ANKRD29: variants seen among roughly 807,000 people sequenced by gnomAD.
ANKRD29 encodes ankyrin repeat domain 29.
Under a neutral mutation model 38.0 loss-of-function variants are expected in ANKRD29, and 32 were observed. The observed-to-expected ratio is 0.84, with a 90% CI of 0.64 to 1.13. The LOEUF is 1.13. ANKRD29 is among the 50% of genes most tolerant of loss of function. The pLI is 0.00. For missense variants in ANKRD29, 357 were observed against 377.9 expected (o/e 0.94, Z 0.46); for synonymous variants, 135 against 152.4 (o/e 0.89, Z 0.84).
At chr18:23,625,832 A>G (rs563513583) in intron 6 of ANKRD29, among the ~76,000 whole-genome samples, 1 of 152,218 alleles carries the variant, frequency 6.6e-6, no homozygotes, top group South Asian at 2.1e-4. Context: ...CACCCAAAAA[A>G]TCTGGGTCTG....
chr18:23,652,093 A>G (rs7241414), intron 1 of ANKRD29, among the ~76,000 whole-genome samples: 3,542 of 152,254 alleles, frequency 0.023, 150 homozygotes, highest in African/African-American at 0.079. Context: ...GTGGGTTTCA[A>G]GTGCCTATGG....
At chr18:23,636,136 TTGTA>T (rs373976176) in intron 4 of ANKRD29, among the ~76,000 whole-genome samples, 2 of 152,088 alleles carry the variant, frequency 1.3e-5, no homozygotes, top group African/African-American at 4.8e-5. Flanking sequence ...GCTGTTATTT[TTGTA>T]TGTATGTATG....
intron 1 of ANKRD29, among the ~76,000 whole-genome samples, chr18:23,659,971 C>T (rs977870598): frequency 4.0e-5 from 6 of 151,480 alleles, no homozygotes; most frequent in Non-Finnish European, 7.4e-5. Context: ...ATTAGCCGGG[C>T]GTGGTGGCAC....
chr18:23,613,155 C>T (rs529256997), intron 8 of ANKRD29, among the ~76,000 whole-genome samples: 13 of 150,102 alleles, frequency 8.7e-5, no homozygotes, highest in Non-Finnish European at 1.3e-4. Context: ...ACATGCAACA[C>T]GGGTCAGAAT....
intron 1 of ANKRD29, among the ~76,000 whole-genome samples, chr18:23,657,814 G>A (rs531840496): frequency 6.6e-6 from 1 of 152,180 alleles, no homozygotes; most frequent in South Asian, 2.1e-4. Context: ...CCATGTTATG[G>A]ACTAAATGCT....
intron 3 of ANKRD29, among the ~76,000 whole-genome samples, chr18:23,639,473 G>C (rs951481812): frequency 3.3e-5 from 5 of 151,482 alleles, no homozygotes; most frequent in African/African-American, 9.7e-5. Context: ...ATAACATTAT[G>C]CTAAGTGAAA....
At chr18:23,654,618 C>CAAAAAAAAAAAA (rs1167970950) in intron 1 of ANKRD29, among the ~76,000 whole-genome samples, 1 of 50,382 alleles carries the variant, frequency 2.0e-5, no homozygotes, top group South Asian at 6.9e-4. Flanking sequence ...GACTCTGTCT[C>CAAAAAAAAAAAA]AAAAAAAAAA....
chr18:23,613,340 T>G (rs1443608429), intron 8 of ANKRD29, among the ~76,000 whole-genome samples: 2 of 151,830 alleles, frequency 1.3e-5, no homozygotes, highest in Non-Finnish European at 2.9e-5. Flanking sequence ...CTCTGCTAAT[T>G]TTTGTATTTT....
At position 23,608,702 on chromosome 18, in the gene ANKRD29, T is replaced by G. The variant is rs549513844; in HGVS notation, c.822+3390A>C. Among the ~76,000 whole-genome samples, 47 of 152,332 alleles carry G rather than the reference T, an allele frequency of 3.1e-4. 1 individual carries two copies. The highest frequency in any genetic ancestry group is 5.7e-4 in the Non-Finnish European group (39 of 68,038). On this transcript the variant is annotated intron_variant, in intron 9 of 9. Coordinates refer to ENST00000592179, the MANE Select transcript of ANKRD29 (RefSeq NM_173505.4). ...GTTCATTGCTGGGCATAGGTCAGAC[T>G]AACTTTGGGAAGGAATTCAGCTCAT...
rs1376680015 is a variant in ANKRD29 at position 23,600,974 on chromosome 18, A to C, written c.*252T>G. ...ATGAGTTTCTGTGGAATCTGTGAAC[A>C]TGCCAGGCCCCCCGGGAGATGAGTT... On this transcript the variant is annotated 3_prime_UTR_variant, in exon 10 of 10. Coordinates refer to ENST00000592179, the MANE Select transcript of ANKRD29 (RefSeq NM_173505.4). 1 of 332,734 alleles carries C rather than the reference A, an allele frequency of 3.0e-6. No individual in the cohort carries two copies. Among genetic ancestry groups the C allele is most frequent in the African/African-American group, 2.1e-5 (1 of 47,664 alleles). The allele number at this position is 332,734 out of a possible 1,614,324, so 20.6% of individuals were successfully genotyped here. A position where few individuals can be genotyped will look rare whatever the true frequency, so the allele number is the denominator to read the frequency against.
chr18:23,654,717 C>T (rs1236541421), intron 1 of ANKRD29, among the ~76,000 whole-genome samples: 1 of 151,814 alleles, frequency 6.6e-6, no homozygotes, highest in Non-Finnish European at 1.5e-5. Context: ...TGCAAGCTTC[C>T]ACATTTGTCA....
chr18:23,626,989 A>C (rs2059869881), intron 6 of ANKRD29, among the ~76,000 whole-genome samples: 1 of 152,250 alleles, frequency 6.6e-6, no homozygotes, highest in Admixed American at 6.5e-5. Flanking sequence ...TCAATGTGTC[A>C]GCTGAGATTT....
At chr18:23,655,601 C>T (rs1483558944) in intron 1 of ANKRD29, among the ~76,000 whole-genome samples, 4 of 151,772 alleles carry the variant, frequency 2.6e-5, no homozygotes, top group Admixed American at 1.3e-4. Context: ...CTTGCCACAA[C>T]GCCTGGCTAA....
chr18:23,633,974 A>G (rs1386281096), intron 5 of ANKRD29, 77 bp downstream of exon 5: 1 of 1,445,934 alleles, frequency 6.9e-7, no homozygotes, highest in Non-Finnish European at 9.7e-7. Flanking sequence ...TGAAGTTGGC[A>G]TTTCTGGCAT....
chr18:23,638,743 C>T lies in ANKRD29; in HGVS notation c.330+106G>A, dbSNP rs538931600. ...AATCCACTTACTTAGGTTTGAGAAT[C>T]TTGTAAAAAGGGAAACATAAATTCG... On this transcript the variant is annotated intron_variant, in intron 4 of 9. Coordinates refer to ENST00000592179, the MANE Select transcript of ANKRD29 (RefSeq NM_173505.4). The T allele has an allele frequency of 2.9e-4, 271 of 923,838 alleles. 3 individuals are homozygous for T. In the Middle Eastern group the frequency reaches 3.9e-3, roughly 13 times the overall value. 57.2% of individuals were successfully genotyped at this position (923,838 alleles called of 1,614,324 possible).
At chr18:23,608,210 G>T (rs2036707231) in intron 9 of ANKRD29, among the ~76,000 whole-genome samples, 1 of 152,220 alleles carries the variant, frequency 6.6e-6, no homozygotes, top group African/African-American at 2.4e-5. Flanking sequence ...ATAGCACAGT[G>T]CATGGTATCT....
In ANKRD29 at chr18:23,652,036, C is replaced by A. The variant is rs780863918; in HGVS notation, c.22-2843G>T. Among the ~76,000 whole-genome samples the A allele has an allele frequency of 2.6e-5, 4 of 152,030 alleles. No individual in the cohort carries two copies. The East Asian group carries it at 7.7e-4, about 29-fold the overall frequency. On this transcript the variant is annotated intron_variant, in intron 1 of 9. Transcript: ENST00000592179. ...ATTCTTGAAGATTGGAAACACCGTA[C>A]GAAGGACAGGCTTTGGAAAAAAATG...
chr18:23,654,276 C>CA (rs1004088612), intron 1 of ANKRD29, among the ~76,000 whole-genome samples: 1 of 130,522 alleles, frequency 7.7e-6, no homozygotes, highest in Non-Finnish European at 1.6e-5. Context: ...CCAGCCTCCA[C>CA]AAAAAATAAA....
At chr18:23,610,339 A>G (rs1631640) in intron 9 of ANKRD29, among the ~76,000 whole-genome samples, 11,499 of 152,256 alleles carry the variant, frequency 0.076, 1,427 homozygotes, top group African/African-American at 0.26. Flanking sequence ...TTAGCTGGGC[A>G]TGATGGTGCA....
Sources: gnomAD v4.1 joint callset for allele counts (sites outside exome capture counted in the v4.1 genomes callset) on GRCh38, gnomAD v4.1.1 for gene constraint, MANE v1.5 for transcripts, NCBI Gene and HGNC (gene_info 2026-07-23, HGNC 2026-07-21) for gene names.